The following DNM3 variants were observed in gnomAD, a reference collection of about 807,000 sequenced individuals.
DNM3 encodes dynamin 3.
In DNM3, 47 loss-of-function variants were observed where a neutral mutation model predicts 101.6. That is an observed-to-expected ratio of 0.46 (90% CI 0.37 to 0.59). DNM3 has a LOEUF of 0.59. Ranked by LOEUF, DNM3 falls within the 20% of genes least tolerant of loss-of-function variation. DNM3 has a pLI of 0.00. For synonymous variants in DNM3, 385 were observed against 387.9 expected, an observed-to-expected ratio of 0.99 and a Z score of 0.09; for missense variants, 849 against 1,085.7, an observed-to-expected ratio of 0.78 and a Z score of 3.06.
At chr1:172,220,140 T>C (rs1477231607) in intron 14 of DNM3, among the ~76,000 whole-genome samples, 11 of 152,156 alleles carry the variant, frequency 7.2e-5, no homozygotes, top group Admixed American at 6.6e-5. Context: ...TGAACAAATA[T>C]GATGATGTCA....
At chr1:172,312,182 C>T (rs989668761) in intron 16 of DNM3, among the ~76,000 whole-genome samples, 4 of 152,082 alleles carry the variant, frequency 2.6e-5, no homozygotes, top group African/African-American at 4.8e-5. Context: ...CAGATGCCTC[C>T]GTCTGTGTAA....
At position 172,408,112 on chromosome 1, in the gene DNM3, G is replaced by C; in HGVS notation, c.*271G>C. The C allele has an allele frequency of 1.6e-5, 19 of 1,224,138 alleles. No homozygotes were observed. Among genetic ancestry groups the C allele is most frequent in the Non-Finnish European group, 1.8e-5 (18 of 976,762 alleles). 75.8% of individuals were successfully genotyped at this position (1,224,138 alleles called of 1,614,324 possible). ...CAGCCCTATACTTTGGGGATCATTTGCCTACCATGGCATATATTTGAAATT... is the reference window on the plus strand; with the variant it reads ...CAGCCCTATACTTTGGGGATCATTTCCCTACCATGGCATATATTTGAAATT... On this transcript the variant is annotated 3_prime_UTR_variant, in exon 21 of 21. Coordinates refer to ENST00000627582, the MANE Select transcript of DNM3 (RefSeq NM_015569.5).
chr1:172,061,821 A>C (rs1414379920), intron 10 of DNM3, among the ~76,000 whole-genome samples: 1 of 152,136 alleles, frequency 6.6e-6, no homozygotes, highest in Non-Finnish European at 1.5e-5. Context: ...CACAGTGTTC[A>C]CATGTACCCT....
chr1:171,905,709 T>A (rs2038769376), intron 1 of DNM3, among the ~76,000 whole-genome samples: 1 of 152,194 alleles, frequency 6.6e-6, no homozygotes, highest in Non-Finnish European at 1.5e-5. Context: ...AGACAACTTC[T>A]CAATAGACAA....
At chr1:171,886,454 C>CA (rs1204214146) in intron 1 of DNM3, among the ~76,000 whole-genome samples, 2 of 151,784 alleles carry the variant, frequency 1.3e-5, no homozygotes, top group Admixed American at 6.6e-5. Flanking sequence ...AAAGGGAACA[C>CA]AAAAAACAAG....
chr1:172,010,613 A>ATTTCT (rs2047047961), intron 4 of DNM3, among the ~76,000 whole-genome samples: 1 of 47,196 alleles, frequency 2.1e-5, no homozygotes, highest in African/African-American at 7.9e-5. Flanking sequence ...TATTATGGCT[A>ATTTCT]TTTTTTTTTT....
At position 172,027,617 on chromosome 1, in the gene DNM3, C is replaced by CACACACACACACACAG. The variant is rs34981346; in HGVS notation, c.590-4784_590-4783insCACACACACACACAGA. Among the ~76,000 whole-genome samples the CACACACACACACACAG allele has an allele frequency of 6.2e-4, 91 of 147,122 alleles. 1 individual carries two copies. The highest frequency in any genetic ancestry group is 1.9e-3 in the African/African-American group (72 of 38,674). On this transcript the variant is annotated intron_variant, in intron 4 of 20. Transcript: ENST00000627582. The stretch of plus-strand genomic sequence containing the variant: ...ACACACACACACACACACACACACA[C>CACACACACACACACAG]AGAGAGAGAGAAATTGGATACAGAG...
At chr1:172,252,821 T>A (rs949569374) in intron 14 of DNM3, among the ~76,000 whole-genome samples, 9 of 152,198 alleles carry the variant, frequency 5.9e-5, no homozygotes, top group African/African-American at 1.9e-4. Flanking sequence ...TGGTCGCATT[T>A]GCAGACCTTA....
At chr1:172,066,402 T>C (rs530604228) in intron 10 of DNM3, among the ~76,000 whole-genome samples, 1 of 152,316 alleles carries the variant, frequency 6.6e-6, no homozygotes, top group East Asian at 1.9e-4. Context: ...TTCTTGCTGG[T>C]GCAGGGTATC....
At chr1:171,990,244 A>G (rs932158766) in intron 4 of DNM3, among the ~76,000 whole-genome samples, 1 of 151,692 alleles carries the variant, frequency 6.6e-6, no homozygotes, top group African/African-American at 2.4e-5. Flanking sequence ...GATGTTAGAG[A>G]CCTTTTTCAA....
At chr1:171,981,957 C>T (rs1459038008) in intron 2 of DNM3, among the ~76,000 whole-genome samples, 1 of 152,144 alleles carries the variant, frequency 6.6e-6, no homozygotes, top group African/African-American at 2.4e-5. Flanking sequence ...AGATTTAATG[C>T]ACTGACTACT....
chr1:171,872,728 GT>G (rs2035408462), intron 1 of DNM3, among the ~76,000 whole-genome samples: 1 of 151,614 alleles, frequency 6.6e-6, no homozygotes, highest in Non-Finnish European at 1.5e-5. Flanking sequence ...GAAAGTCGAT[GT>G]TTGCTCTGGA....
At chr1:171,860,725 G>T (rs1361715820) in intron 1 of DNM3, among the ~76,000 whole-genome samples, 2 of 152,014 alleles carry the variant, frequency 1.3e-5, no homozygotes, top group South Asian at 2.1e-4. Context: ...TTAGGGAGTG[G>T]CAGTGGAAAT....
chr1:172,133,926 T>C (rs1217770655), intron 14 of DNM3, among the ~76,000 whole-genome samples: 1 of 152,154 alleles, frequency 6.6e-6, no homozygotes, highest in Non-Finnish European at 1.5e-5. Context: ...ATGGTTTGGA[T>C]TTTATTACAA....
At chr1:172,044,538 C>A in intron 9 of DNM3, 86 bp downstream of exon 9, 1 of 1,146,622 alleles carries the variant, frequency 8.7e-7, no homozygotes, top group Non-Finnish European at 1.3e-6. Flanking sequence ...CTCGTCTTTT[C>A]ATCATTGAAT....
At chr1:172,262,242 G>A (rs1409601984) in intron 15 of DNM3, among the ~76,000 whole-genome samples, 3 of 152,100 alleles carry the variant, frequency 2.0e-5, no homozygotes, top group Admixed American at 2.0e-4. Context: ...TGTCCTTGGG[G>A]GCATATGAAA....
intron 18 of DNM3, chr1:172,380,703 T>A (rs949934585): frequency 6.6e-6 from 1 of 152,012 alleles, no homozygotes; most frequent in Non-Finnish European, 1.5e-5. Flanking sequence ...TAGAAAAATA[T>A]AAAGTACTAA....
At chr1:172,346,470 T>G (rs2066946309) in intron 17 of DNM3, among the ~76,000 whole-genome samples, 1 of 152,196 alleles carries the variant, frequency 6.6e-6, no homozygotes, top group South Asian at 2.1e-4. Context: ...TGAAGACATT[T>G]AAACATGGGA....
rs1200145388 is a variant in DNM3, at chr1:171,847,896, C to CTCTG, written c.161+6080_161+6081insCTGT. On this transcript the variant is annotated intron_variant, in intron 1 of 20. Transcript: ENST00000627582. ...TATTAATTACTCTCTCTCTCTCTCTCTGTGTGTGTGTGTGTGTGTGTGTGT... is the reference window on the plus strand; with the variant it reads ...TATTAATTACTCTCTCTCTCTCTCTCTCTGTGTGTGTGTGTGTGTGTGTGTGTGT... Among the ~76,000 whole-genome samples the CTCTG allele has an allele frequency of 8.5e-3, 1,200 of 141,204 alleles. 28 individuals are homozygous for CTCTG. Among genetic ancestry groups the CTCTG allele is most frequent in the African/African-American group, 0.03 (1,130 of 37,250 alleles). The allele number at this position is 141,204 out of a possible 152,430, so 92.6% of individuals were successfully genotyped here.
Sources: allele counts gnomAD v4.1 joint callset (sites outside exome capture counted in the v4.1 genomes callset), GRCh38; gene constraint gnomAD v4.1.1; transcripts MANE v1.5; gene names NCBI Gene and HGNC (gene_info 2026-07-23, HGNC 2026-07-21).